The following GDAP1L1 variants were observed in gnomAD, a reference collection of about 807,000 sequenced individuals.
GDAP1L1 encodes the protein ganglioside-induced differentiation-associated protein 1-like 1.
Under a neutral mutation model 37.1 loss-of-function variants are expected in GDAP1L1, and 21 were observed. That is an observed-to-expected ratio of 0.57 (90% CI 0.40 to 0.81). The LOEUF (loss-of-function observed/expected upper bound fraction) is 0.81, where lower values mean the gene tolerates loss of function less well. GDAP1L1 is among the 40% of genes least tolerant of loss of function. The probability of loss-of-function intolerance (pLI) is 0.00; values close to 1 mark genes in which losing one functional copy is unlikely to be tolerated. For missense variants in GDAP1L1, 362 were observed against 491.6 expected, an observed-to-expected ratio of 0.74 and a Z score of 2.49; for synonymous variants, 193 against 209.1, an observed-to-expected ratio of 0.92 and a Z score of 0.67.
intron 5 of GDAP1L1, among the ~76,000 whole-genome samples, chr20:44,265,725 T>C (rs2073751269): frequency 6.6e-6 from 1 of 152,158 alleles, no homozygotes; most frequent in African/African-American, 2.4e-5. Flanking sequence ...GTTTAATACA[T>C]ATGGCAGCTA....
chr20:44,279,415 G>T lies in GDAP1L1; in HGVS notation c.*115G>T, dbSNP rs1471680315. The T allele has an allele frequency of 1.1e-5, 8 of 743,780 alleles. No homozygotes were observed. Among genetic ancestry groups the T allele is most frequent in the African/African-American group, 1.7e-5 (1 of 57,978 alleles). 46.1% of individuals were successfully genotyped at this position (743,780 alleles called of 1,614,324 possible). On this transcript the variant is annotated 3_prime_UTR_variant, in exon 6 of 6. Coordinates refer to ENST00000342560, the MANE Select transcript of GDAP1L1 (RefSeq NM_024034.6). ...ACTTGGACAGCCCTCCCCGCCCTTC[G>T]TTCTGAGTAATAATACCGTCAGTGT...
At chr20:44,253,822 A>G (rs548023406) in intron 1 of GDAP1L1, among the ~76,000 whole-genome samples, 1 of 152,280 alleles carries the variant, frequency 6.6e-6, no homozygotes, top group South Asian at 2.1e-4. Flanking sequence ...TGCCAGGGTG[A>G]CCCCAAAGCA....
chr20:44,248,680 G>A (rs977357259), intron 1 of GDAP1L1, among the ~76,000 whole-genome samples: 1 of 152,240 alleles, frequency 6.6e-6, no homozygotes, highest in African/African-American at 2.4e-5. Context: ...ACTCAAACTT[G>A]AGCGTGCATT....
chr20:44,261,256 G>A (rs1026999310), intron 3 of GDAP1L1, among the ~76,000 whole-genome samples: 3 of 152,112 alleles, frequency 2.0e-5, no homozygotes, highest in Non-Finnish European at 4.4e-5. Context: ...CCCTCCTGGA[G>A]TCTGAAGCCA....
intron 5 of GDAP1L1, among the ~76,000 whole-genome samples, chr20:44,268,196 G>A (rs935683101): frequency 6.6e-6 from 1 of 152,224 alleles, no homozygotes; most frequent in Non-Finnish European, 1.5e-5. Flanking sequence ...TGGCTTTGAT[G>A]CAGATTCCTG....
upstream of GDAP1L1, chr20:44,247,247 G>C (rs1003190674): frequency 2.3e-6 from 3 of 1,326,210 alleles, no homozygotes; most frequent in African/African-American, 2.9e-5. Flanking sequence ...GAGGAGAGGG[G>C]CAGGCTCGGC....
chr20:44,257,611 C>G (rs115185833), intron 2 of GDAP1L1, among the ~76,000 whole-genome samples: 9 of 151,688 alleles, frequency 5.9e-5, no homozygotes, highest in South Asian at 2.1e-4. Flanking sequence ...GACACCCCCC[C>G]ACCAGGAGCA....
chr20:44,266,710 C>T (rs1204048044), intron 5 of GDAP1L1, among the ~76,000 whole-genome samples: 1 of 152,106 alleles, frequency 6.6e-6, no homozygotes, highest in Non-Finnish European at 1.5e-5. Context: ...CTGTGCTGCA[C>T]ATGCCTGGTG....
intron 5 of GDAP1L1, among the ~76,000 whole-genome samples, chr20:44,278,164 A>G (rs1458782021): frequency 6.6e-6 from 1 of 151,526 alleles, no homozygotes; most frequent in Non-Finnish European, 1.5e-5. Flanking sequence ...AAAAAAAAAA[A>G]AAAAAAAGAA....
At chr20:44,254,984 C>G (rs1386373046) in intron 1 of GDAP1L1, among the ~76,000 whole-genome samples, 2 of 152,190 alleles carry the variant, frequency 1.3e-5, no homozygotes, top group Non-Finnish European at 2.9e-5. Context: ...CTCACACTTG[C>G]ATTCCTCACT....
rs570190157 is a variant in GDAP1L1, at chr20:44,274,411, T to C, written c.761-4546T>C. Among the ~76,000 whole-genome samples, 5 of 152,316 alleles carry C rather than the reference T, an allele frequency of 3.3e-5. No homozygotes were observed. The South Asian group carries it at 1.0e-3, about 32-fold the overall frequency. On this transcript the variant is annotated intron_variant, in intron 5 of 5. Transcript: ENST00000342560. Reference sequence around the variant, plus strand: ...GTGGCAGAATGATCTTTGTTCACCATCTCCAATTCCTCTCCTCCCTTTCTC... The same window carrying C: ...GTGGCAGAATGATCTTTGTTCACCACCTCCAATTCCTCTCCTCCCTTTCTC...
At position 44,280,569 on chromosome 20, in the gene GDAP1L1, C is replaced by T. The variant is rs2062629935; in HGVS notation, c.*1269C>T. On this transcript the variant is annotated 3_prime_UTR_variant, in exon 6 of 6. Coordinates refer to ENST00000342560, the MANE Select transcript of GDAP1L1 (RefSeq NM_024034.6). ...TCCAGGGCTCTGACCTTAACATCAA[C>T]CCAGCTCATTTAGGCTCAGCCCTTT... 1 of 152,414 alleles carries T rather than the reference C, an allele frequency of 6.6e-6. No individual in the cohort carries two copies. Among genetic ancestry groups the T allele is most frequent in the Admixed American group, 6.5e-5 (1 of 15,288 alleles). The allele number at this position is 152,414 out of a possible 1,614,324, so 9.4% of individuals were successfully genotyped here.
intron 5 of GDAP1L1, among the ~76,000 whole-genome samples, chr20:44,270,164 ATTTTTTTTTT>A (rs397756226): frequency 9.9e-6 from 1 of 100,594 alleles, no homozygotes; most frequent in Non-Finnish European, 1.9e-5. Flanking sequence ...AGTGTCTTAA[ATTTTTTTTTT>A]TTTTTTTTTT....
At chr20:44,255,580 A>G (rs1489780084) in intron 1 of GDAP1L1, among the ~76,000 whole-genome samples, 2 of 142,416 alleles carry the variant, frequency 1.4e-5, no homozygotes, top group African/African-American at 5.3e-5. Context: ...AAGTAAAGCT[A>G]CTTGTAAAGC....
Position 44,247,596 on chromosome 20 carries a change from C to T in GDAP1L1, c.180+82C>T, listed in dbSNP as rs887891433. 11 of 1,270,210 alleles carry T rather than the reference C, an allele frequency of 8.7e-6. No individual in the cohort carries two copies. In the South Asian group the frequency reaches 1.7e-4, roughly 20 times the overall value. 78.7% of individuals were successfully genotyped at this position (1,270,210 alleles called of 1,614,324 possible). On this transcript the variant is annotated intron_variant, in intron 1 of 5. Coordinates refer to ENST00000342560, the MANE Select transcript of GDAP1L1 (RefSeq NM_024034.6). ...CCCCAGGGCTTGAGGGATCTGAGGGCGGCGAAAGACTGGAGGGGGGAACCT... is the reference window on the plus strand; with the variant it reads ...CCCCAGGGCTTGAGGGATCTGAGGGTGGCGAAAGACTGGAGGGGGGAACCT...
intron 5 of GDAP1L1, among the ~76,000 whole-genome samples, 195 bp from the exon 6 acceptor site, chr20:44,278,762 A>G (rs1359645916): frequency 1.3e-5 from 2 of 152,200 alleles, no homozygotes; most frequent in Admixed American, 1.3e-4. Flanking sequence ...AAAAAGAAAA[A>G]CAGTCGATTT....
At chr20:44,252,004 T>A (rs1455241115) in intron 1 of GDAP1L1, among the ~76,000 whole-genome samples, 1 of 152,230 alleles carries the variant, frequency 6.6e-6, no homozygotes, top group Non-Finnish European at 1.5e-5. Context: ...GCAACAACTG[T>A]GAAGTGATGA....
chr20:44,273,393 C>T (rs897513527), intron 5 of GDAP1L1, among the ~76,000 whole-genome samples: 2 of 152,210 alleles, frequency 1.3e-5, no homozygotes, highest in African/African-American at 2.4e-5. Context: ...TGTCTACCCA[C>T]ACTCCCTTGC....
chr20:44,275,083 G>A (rs905586011), intron 5 of GDAP1L1, among the ~76,000 whole-genome samples: 33 of 152,096 alleles, frequency 2.2e-4, no homozygotes, highest in African/African-American at 7.5e-4. Context: ...CTGTAGAGAG[G>A]AGGGTCTCGC....
Sources: allele counts gnomAD v4.1 joint callset (sites outside exome capture counted in the v4.1 genomes callset), GRCh38; gene constraint gnomAD v4.1.1; transcripts MANE v1.5; gene names NCBI Gene and HGNC (gene_info 2026-07-23, HGNC 2026-07-21).